Variants in TM7SF3 observed in about 807,000 individuals in gnomAD.
TM7SF3 encodes seven span transmembrane protein.
Under a neutral mutation model 65.5 loss-of-function variants are expected in TM7SF3, and 60 were observed. The observed-to-expected ratio is 0.92, with a 90% CI of 0.74 to 1.14. The LOEUF is 1.14. TM7SF3 is among the 50% of genes most tolerant of loss of function. The pLI is 0.00. For synonymous variants in TM7SF3, 264 were observed against 259.6 expected (o/e 1.02, Z -0.16); for missense variants, 623 against 684.8 (o/e 0.91, Z 1.01).
chr12:26,982,072 C>T (rs1939841812), intron 7 of TM7SF3, among the ~76,000 whole-genome samples: 1 of 151,916 alleles, frequency 6.6e-6, no homozygotes, highest in African/African-American at 2.4e-5. Context: ...CTTACTCTGT[C>T]ATCCAGGCTG....
chr12:26,983,511 CATG>C (rs1253120999), intron 6 of TM7SF3: 1 of 453,470 alleles, frequency 2.2e-6, no homozygotes, highest in Non-Finnish European at 4.4e-6. Flanking sequence ...TTGTGAGTAA[CATG>C]ATGACCAGGG....
intron 4 of TM7SF3, 77 bp from the exon 5 acceptor site, chr12:26,995,485 A>T: frequency 7.0e-7 from 1 of 1,424,056 alleles, no homozygotes; most frequent in African/African-American, 1.4e-5. Flanking sequence ...CAAGAGCCCT[A>T]ATTTCAAACA....
chr12:27,009,474 G>A (rs1028987181), intron 1 of TM7SF3, among the ~76,000 whole-genome samples: 2 of 152,156 alleles, frequency 1.3e-5, no homozygotes, highest in Non-Finnish European at 2.9e-5. Context: ...TTTCTCTGTA[G>A]AGGTCTTTAC....
At chr12:27,008,343 G>C (rs1461874588) in intron 1 of TM7SF3, among the ~76,000 whole-genome samples, 1 of 152,072 alleles carries the variant, frequency 6.6e-6, no homozygotes, top group Non-Finnish European at 1.5e-5. Flanking sequence ...TCCTCTTTGT[G>C]AAACAGTCTG....
In TM7SF3 at chr12:26,984,300, A is replaced by G. The variant is rs138027253; in HGVS notation, c.869-1441T>C. 2.8e-3 allele frequency among the ~76,000 whole-genome samples: 419 copies of G among 152,142 alleles called. 8 individuals carry two copies. The highest frequency in any genetic ancestry group is 9.2e-3 in the African/African-American group (380 of 41,506). On this transcript the variant is annotated intron_variant, in intron 6 of 11. Transcript: ENST00000343028. ...AAAAATTAGCCAGGCCTGGTGGCAC[A>G]TGCCTGTAGTCCCAGCTACTCCAGA...
chr12:26,985,998 GT>G (rs55959497), intron 6 of TM7SF3, among the ~76,000 whole-genome samples: 637 of 142,594 alleles, frequency 4.5e-3, no homozygotes, highest in Middle Eastern at 0.021. Context: ...GTTTTGTATT[GT>G]TTTTTTTTTT....
chr12:26,986,950 C>G (rs1197440305), intron 6 of TM7SF3, among the ~76,000 whole-genome samples: 1 of 152,192 alleles, frequency 6.6e-6, no homozygotes, highest in Non-Finnish European at 1.5e-5. Context: ...ACATCACTTT[C>G]CTTTTACCAA....
chr12:27,005,861 C>T (rs1000808951), intron 1 of TM7SF3, among the ~76,000 whole-genome samples: 20 of 150,620 alleles, frequency 1.3e-4, no homozygotes, highest in Non-Finnish European at 4.4e-5. Context: ...AGTGCAGTGG[C>T]GCAATCTTAG....
In TM7SF3 at chr12:26,977,766, ATGTGTG is replaced by A. The variant is rs10608992; in HGVS notation, c.1190-1415_1190-1410del. ...GAGACTCCGTCTCAGGAAAAAAATAATGTGTGTGTGTGTGTGTGTGTGTGTATGTGT... is the reference window on the plus strand; with the variant it reads ...GAGACTCCGTCTCAGGAAAAAAATAATGTGTGTGTGTGTGTGTGTATGTGT... On this transcript the variant is annotated intron_variant, in intron 9 of 11. Coordinates refer to ENST00000343028, the MANE Select transcript of TM7SF3 (RefSeq NM_016551.3). Among the ~76,000 whole-genome samples, 113 of 148,496 alleles carry A rather than the reference ATGTGTG, an allele frequency of 7.6e-4. 1 individual carries two copies. The highest frequency in any genetic ancestry group is 1.4e-3 in the East Asian group (7 of 4,994).
intron 9 of TM7SF3, 36 bp from the exon 10 acceptor site, chr12:26,976,393 G>T: frequency 7.0e-7 from 1 of 1,430,278 alleles, no homozygotes; most frequent in Non-Finnish European, 9.8e-7. Context: ...GTAAACAACA[G>T]CTTTACCAAG....
In TM7SF3 at chr12:26,973,842, CA is replaced by C. The variant is rs1488628589; in HGVS notation, c.*122del. 2.7e-5 allele frequency: 34 copies of C among 1,249,206 alleles called. No homozygotes were observed. The highest frequency in any genetic ancestry group is 1.9e-5 in the Non-Finnish European group (17 of 904,392). The allele number at this position is 1,249,206 out of a possible 1,614,324, so 77.4% of individuals were successfully genotyped here. On this transcript the variant is annotated 3_prime_UTR_variant, in exon 12 of 12. Coordinates refer to ENST00000343028, the MANE Select transcript of TM7SF3 (RefSeq NM_016551.3). ...CCTTACCATATATCAATAAGGGCAC[CA>C]TAATATTATGCAAAGAACAGATATA...
chr12:26,980,639 GA>G lies in TM7SF3; in HGVS notation c.962del (p.Phe321SerfsTer3). On this transcript the variant is annotated frameshift_variant, in exon 8 of 12. Transcript: ENST00000343028. LOFTEE classifies it high-confidence loss of function. Reference protein sequence around the residue: ...FGHRFWKTELFFIGFIIMGFF... With the variant: ...FGHRFWKTELXFIGFIIMGFF... ...ATCCCATGATGATAAAGCCTATGAA[GA>G]ATAATTCTAAGTGGCAAACCACCAG... 1 of 1,555,586 alleles carries G rather than the reference GA, an allele frequency of 6.4e-7. No homozygotes were observed. The highest frequency in any genetic ancestry group is 1.4e-5 in the African/African-American group (1 of 72,684).
chr12:26,991,032 C>CT (rs1341474869), intron 5 of TM7SF3, among the ~76,000 whole-genome samples: 2 of 151,966 alleles, frequency 1.3e-5, no homozygotes, highest in African/African-American at 4.8e-5. Context: ...TAGCCACAGA[C>CT]TAACGCAGAC....
rs1439074801 is a variant in TM7SF3 at position 26,973,382 on chromosome 12, C to T, written c.*583G>A. On this transcript the variant is annotated 3_prime_UTR_variant, in exon 12 of 12. Coordinates refer to ENST00000343028, the MANE Select transcript of TM7SF3 (RefSeq NM_016551.3). ...TAGAGATGGGGTCTTGTCATGTTGC[C>T]CATGTCGGTCTCAAACTCCTGGGCT... 6.6e-6 allele frequency: 1 copy of T among 152,062 alleles called. No homozygotes were observed. The highest frequency in any genetic ancestry group is 6.6e-5 in the Admixed American group (1 of 15,258). 9.4% of individuals were successfully genotyped at this position (152,062 alleles called of 1,614,324 possible). A position where few individuals can be genotyped will look rare whatever the true frequency, so the allele number is the denominator to read the frequency against.
intron 8 of TM7SF3, 119 bp downstream of exon 8, chr12:26,980,447 T>C (rs1939766447): frequency 3.0e-6 from 2 of 663,782 alleles, no homozygotes; most frequent in South Asian, 3.6e-5. Flanking sequence ...TGGACCATTA[T>C]TTTACATAAG....
At chr12:26,988,605 A>C (rs1314267355) in intron 6 of TM7SF3, among the ~76,000 whole-genome samples, 2 of 152,190 alleles carry the variant, frequency 1.3e-5, no homozygotes, top group Non-Finnish European at 2.9e-5. Flanking sequence ...AAATAAATAC[A>C]GAAGTATTTA....
At position 26,975,656 on chromosome 12, in the gene TM7SF3, C is replaced by CA; in HGVS notation, c.1289dup (p.Asn431GlufsTer18). On this transcript the variant is annotated frameshift_variant and splice_region_variant, in exon 11 of 12. Coordinates refer to ENST00000343028, the MANE Select transcript of TM7SF3 (RefSeq NM_016551.3). LOFTEE classifies it high-confidence loss of function. ...CAATGACTCCACAAGTCAGTATGTT[C>CA]AGCTGTGGAAGAGTGGAAGAGTTTA... 1 of 1,599,680 alleles carries CA rather than the reference C, an allele frequency of 6.3e-7. No homozygotes were observed. Among genetic ancestry groups the CA allele is most frequent in the East Asian group, 2.3e-5 (1 of 43,840 alleles).
intron 3 of TM7SF3, 148 bp from the exon 4 acceptor site, chr12:26,997,010 TG>T: frequency 1.0e-6 from 1 of 963,300 alleles, no homozygotes; most frequent in Non-Finnish European, 1.5e-6. Context: ...TACTATTTCA[TG>T]AACTGAGGTT....
At position 26,985,234 on chromosome 12, in the gene TM7SF3, C is replaced by T. The variant is rs1000521712; in HGVS notation, c.869-2375G>A. Among the ~76,000 whole-genome samples the T allele has an allele frequency of 9.9e-5, 15 of 152,242 alleles. No individual in the cohort carries two copies. The South Asian group carries it at 2.7e-3, about 27-fold the overall frequency. The stretch of plus-strand genomic sequence containing the variant: ...ATATATGGCCAGGCGCAGTGGCTCA[C>T]GCCTGTAATCCCAGCACTTTGGGAG... On this transcript the variant is annotated intron_variant, in intron 6 of 11. Coordinates refer to ENST00000343028, the MANE Select transcript of TM7SF3 (RefSeq NM_016551.3).
Sources: allele counts gnomAD v4.1 joint callset (sites outside exome capture counted in the v4.1 genomes callset), GRCh38; gene constraint gnomAD v4.1.1; transcripts MANE v1.5; gene names NCBI Gene and HGNC (gene_info 2026-07-23, HGNC 2026-07-21).